Variants in BFAR observed in about 807,000 individuals in gnomAD.
BFAR encodes the protein bifunctional apoptosis regulator.
A neutral mutation model predicts 54.4 loss-of-function variants in BFAR; 52 were observed. The ratio of observed to expected loss-of-function variants is 0.96; its 90% CI spans 0.77 to 1.21. The LOEUF (loss-of-function observed/expected upper bound fraction) is 1.21, where lower values mean the gene tolerates loss of function less well. Among genes scored for constraint, BFAR ranks in the 50% most tolerant of loss-of-function variants. The probability of loss-of-function intolerance (pLI) is 0.00; values close to 1 mark genes in which losing one functional copy is unlikely to be tolerated. For missense variants in BFAR, 571 were observed against 534.0 expected, an observed-to-expected ratio of 1.07 and a Z score of -0.68; for synonymous variants, 215 against 204.3, an observed-to-expected ratio of 1.05 and a Z score of -0.45.
In BFAR at chr16:14,640,350, G is replaced by A. The variant is rs1347518124; in HGVS notation, c.-73-3924G>A. Among the ~76,000 whole-genome samples the A allele has an allele frequency of 2.0e-5, 3 of 152,172 alleles. No homozygotes were observed. In the East Asian group the frequency reaches 5.8e-4, roughly 29 times the overall value. ...GGTAACAGAACTGAAATGGACAGGT[G>A]GGAGAGGAGTGTAGCAAGCTGACGC... is the stretch of plus-strand genomic sequence containing the variant. On this transcript the variant is annotated intron_variant, in intron 1 of 7. Transcript: ENST00000261658.
intron 4 of BFAR, 139 bp downstream of exon 4, chr16:14,650,112 A>C: frequency 1.2e-6 from 1 of 801,752 alleles, no homozygotes; most frequent in Non-Finnish European, 1.8e-6. Flanking sequence ...ATTTGAGGTC[A>C]GGAGTTCCAG....
intron 7 of BFAR, among the ~76,000 whole-genome samples, chr16:14,666,314 T>A (rs1960439326): frequency 6.6e-6 from 1 of 152,186 alleles, no homozygotes; most frequent in South Asian, 2.1e-4. Context: ...TTCATGCCTG[T>A]AATCCTAGAA....
chr16:14,635,156 G>A (rs1233754929), intron 1 of BFAR, among the ~76,000 whole-genome samples: 1 of 152,174 alleles, frequency 6.6e-6, no homozygotes, highest in African/African-American at 2.4e-5. Context: ...GATACATGGT[G>A]AAACCCTGTC....
chr16:14,660,627 G>A lies in BFAR; in HGVS notation c.784-1265G>A, dbSNP rs1278362959. 5.0e-5 allele frequency among the ~76,000 whole-genome samples: 7 copies of A among 141,348 alleles called. No individual in the cohort carries two copies. The South Asian group carries it at 7.1e-4, about 14-fold the overall frequency. The allele number at this position is 141,348 out of a possible 152,430, so 92.7% of individuals were successfully genotyped here. On this transcript the variant is annotated intron_variant, in intron 5 of 7. Transcript: ENST00000261658. ...AAAGAAACGAGGTCTTACGCCAGGC[G>A]TGGTGGCTCACACCTGTAATCCCAG...
At chr16:14,643,146 C>T (rs1045601564) in intron 1 of BFAR, among the ~76,000 whole-genome samples, 1 of 152,168 alleles carries the variant, frequency 6.6e-6, no homozygotes, top group African/African-American at 2.4e-5. Flanking sequence ...AAACCCGTCT[C>T]TACTAAAAAT....
At chr16:14,661,392 CTTTTTTTTTTTTTTTT>C (rs774393097) in intron 5 of BFAR, among the ~76,000 whole-genome samples, 1 of 65,076 alleles carries the variant, frequency 1.5e-5, no homozygotes, top group African/African-American at 5.5e-5. Flanking sequence ...GAGATTGGAT[CTTTTTTTTTTTTTTTT>C]TTTTTTTTTT....
intron 7 of BFAR, chr16:14,667,324 G>T: frequency 2.9e-6 from 1 of 343,182 alleles, no homozygotes; most frequent in Non-Finnish European, 5.3e-6. Flanking sequence ...GCTGGACAAA[G>T]GAATGAGACC....
intron 2 of BFAR, among the ~76,000 whole-genome samples, chr16:14,647,526 C>A (rs1196660963): frequency 1.3e-5 from 2 of 151,908 alleles, no homozygotes; most frequent in African/African-American, 2.4e-5. Context: ...ACCAAAAATA[C>A]AAAAATTAGC....
chr16:14,659,621 ACT>A (rs1960233769), intron 5 of BFAR, among the ~76,000 whole-genome samples: 1 of 144,822 alleles, frequency 6.9e-6, no homozygotes, highest in African/African-American at 2.6e-5. Context: ...CGCAATCTCC[ACT>A]CACTGCAAGC....
At chr16:14,644,183 A>C in intron 1 of BFAR, 91 bp from the exon 2 acceptor site, 4 of 679,552 alleles carry the variant, frequency 5.9e-6, no homozygotes, top group Non-Finnish European at 9.7e-6. Flanking sequence ...AAAAAAAATT[A>C]GCGCTTCAAT....
chr16:14,647,308 CT>C (rs1959828438), intron 2 of BFAR, among the ~76,000 whole-genome samples: 2 of 152,006 alleles, frequency 1.3e-5, no homozygotes, highest in African/African-American at 4.8e-5. Context: ...TGGTCTGGAA[CT>C]CCTGACCTTA....
chr16:14,634,290 C>G (rs1003162480), intron 1 of BFAR, among the ~76,000 whole-genome samples: 1 of 152,210 alleles, frequency 6.6e-6, no homozygotes, highest in African/African-American at 2.4e-5. Context: ...CTGCTGTTTT[C>G]TCAACATCCA....
chr16:14,669,039 C>T lies in BFAR; in HGVS notation c.*1212C>T, dbSNP rs1283569957. 4.4e-6 allele frequency: 2 copies of T among 454,414 alleles called. No individual in the cohort carries two copies. The highest frequency in any genetic ancestry group is 4.7e-5 in the Admixed American group (2 of 42,302). 28.1% of individuals were successfully genotyped at this position (454,414 alleles called of 1,614,324 possible). On this transcript the variant is annotated 3_prime_UTR_variant, in exon 8 of 8. Transcript: ENST00000261658. The stretch of plus-strand genomic sequence containing the variant: ...GCCTTTTATTTCCTTCCAGTGTGAA[C>T]ACAGCAGGTGTGAGATGTCATCTTG...
chr16:14,666,125 C>T (rs1246932571), intron 7 of BFAR, among the ~76,000 whole-genome samples: 2 of 152,202 alleles, frequency 1.3e-5, no homozygotes, highest in African/African-American at 4.8e-5. Flanking sequence ...AAAGCACTTC[C>T]TTCCCTGTGG....
chr16:14,663,663 T>G (rs1004184078), intron 6 of BFAR, among the ~76,000 whole-genome samples: 38 of 152,094 alleles, frequency 2.5e-4, no homozygotes, highest in African/African-American at 9.2e-4. Context: ...TGCTAATATG[T>G]GTAATTGAAA....
At chr16:14,648,255 T>C in intron 2 of BFAR, 133 bp from the exon 3 acceptor site, 1 of 690,304 alleles carries the variant, frequency 1.4e-6, no homozygotes, top group East Asian at 2.7e-5. Context: ...CCCACAGGAC[T>C]ATAATACATT....
chr16:14,637,403 G>A (rs1159676518), intron 1 of BFAR, among the ~76,000 whole-genome samples: 1 of 151,972 alleles, frequency 6.6e-6, no homozygotes, highest in Non-Finnish European at 1.5e-5. Context: ...TTTCCAACCA[G>A]GGACCAGACC....
intron 5 of BFAR, among the ~76,000 whole-genome samples, chr16:14,660,976 T>C (rs914873526): frequency 2.6e-5 from 4 of 152,064 alleles, no homozygotes; most frequent in Non-Finnish European, 4.4e-5. Context: ...CCTCAAGCAA[T>C]CCTCTTGCCT....
At chr16:14,637,441 A>G (rs1391577147) in intron 1 of BFAR, among the ~76,000 whole-genome samples, 1 of 151,894 alleles carries the variant, frequency 6.6e-6, no homozygotes, top group African/African-American at 2.4e-5. Context: ...TCTGCCCTTT[A>G]CTAGTTAGAA....
Sources: allele counts gnomAD v4.1 joint callset (sites outside exome capture counted in the v4.1 genomes callset), GRCh38; gene constraint gnomAD v4.1.1; transcripts MANE v1.5; gene names NCBI Gene and HGNC (gene_info 2026-07-23, HGNC 2026-07-21).